Variants in KIFAP3 observed in about 807,000 individuals in gnomAD.
KIFAP3 encodes the protein kinesin-associated protein 3.
A neutral mutation model predicts 106.5 loss-of-function variants in KIFAP3; 68 were observed. The ratio of observed to expected loss-of-function variants is 0.64; its 90% CI spans 0.53 to 0.78. The LOEUF (loss-of-function observed/expected upper bound fraction) is 0.78. KIFAP3 is among the 30% of genes least tolerant of loss of function. The probability of loss-of-function intolerance (pLI) is 0.00; values close to 1 mark genes in which losing one functional copy is unlikely to be tolerated. For synonymous variants in KIFAP3, 320 were observed against 311.5 expected, an observed-to-expected ratio of 1.03 and a Z score of -0.29; for missense variants, 780 against 941.8, an observed-to-expected ratio of 0.83 and a Z score of 2.25.
chr1:170,001,675 A>G (rs1192914089), intron 10 of KIFAP3, among the ~76,000 whole-genome samples: 1 of 152,136 alleles, frequency 6.6e-6, no homozygotes, highest in Non-Finnish European at 1.5e-5. Context: ...AAATTCCATA[A>G]CAGTTCGGTA....
chr1:169,970,995 G>T (rs1389310194), intron 17 of KIFAP3, among the ~76,000 whole-genome samples: 2 of 151,994 alleles, frequency 1.3e-5, no homozygotes, highest in Non-Finnish European at 2.9e-5. Context: ...AGAGACTTAA[G>T]CTCAGAGTTT....
chr1:169,921,882 A>C (rs1662845893), intron 19 of KIFAP3, 101 bp from the exon 20 acceptor site: 1 of 836,732 alleles, frequency 1.2e-6, no homozygotes, highest in Non-Finnish European at 1.9e-6. Flanking sequence ...TTCTCTTCCT[A>C]GCAGGGATAG....
intron 10 of KIFAP3, among the ~76,000 whole-genome samples, chr1:169,995,179 T>C (rs1667308539): frequency 1.3e-5 from 2 of 152,150 alleles, no homozygotes; most frequent in Non-Finnish European, 2.9e-5. Context: ...TTTATACTTA[T>C]TCTAGTATAA....
At chr1:169,958,602 T>C (rs1665155472) in intron 18 of KIFAP3, among the ~76,000 whole-genome samples, 1 of 152,198 alleles carries the variant, frequency 6.6e-6, no homozygotes, top group South Asian at 2.1e-4. Context: ...GTATGAAAAC[T>C]ATGTTTTTTA....
At chr1:170,008,500 C>T (rs925367279) in intron 10 of KIFAP3, among the ~76,000 whole-genome samples, 5 of 151,640 alleles carry the variant, frequency 3.3e-5, no homozygotes, top group African/African-American at 1.2e-4. Context: ...ATTTATGCAG[C>T]CAACAAACAT....
At chr1:170,060,913 G>A (rs1221291148) in intron 1 of KIFAP3, among the ~76,000 whole-genome samples, 1 of 152,162 alleles carries the variant, frequency 6.6e-6, no homozygotes, top group African/African-American at 2.4e-5. Flanking sequence ...AATGGGGAAA[G>A]GATTCCCTAT....
chr1:169,992,317 T>C (rs1571620169), intron 10 of KIFAP3, 62 bp from the exon 11 acceptor site: 4 of 736,172 alleles, frequency 5.4e-6, no homozygotes, highest in Non-Finnish European at 8.3e-6. Context: ...AGCACACTCA[T>C]GTTAATGTAC....
At chr1:170,083,332 C>A (rs532518942) in intron 1 of KIFAP3, among the ~76,000 whole-genome samples, 1 of 152,300 alleles carries the variant, frequency 6.6e-6, no homozygotes, top group African/African-American at 2.4e-5. Context: ...CTATTTCGTT[C>A]TCATCTCCCA....
chr1:169,972,012 A>G (rs564529011), intron 17 of KIFAP3, among the ~76,000 whole-genome samples: 97 of 152,094 alleles, frequency 6.4e-4, no homozygotes, highest in African/African-American at 2.3e-3. Flanking sequence ...CCCTCTAGTC[A>G]TGTATCCTTT....
chr1:170,065,365 G>A (rs1320109973), intron 1 of KIFAP3, among the ~76,000 whole-genome samples: 1 of 151,996 alleles, frequency 6.6e-6, no homozygotes, highest in Non-Finnish European at 1.5e-5. Flanking sequence ...TGTAATCCCA[G>A]CATTTTGGGA....
At chr1:169,946,314 T>C (rs1664436871) in intron 19 of KIFAP3, among the ~76,000 whole-genome samples, 1 of 152,172 alleles carries the variant, frequency 6.6e-6, no homozygotes, top group Non-Finnish European at 1.5e-5. Context: ...AACCCTTAGC[T>C]GCTTGCTTCC....
At chr1:170,072,673 AAAC>A (rs1328506933) in intron 1 of KIFAP3, among the ~76,000 whole-genome samples, 1 of 152,228 alleles carries the variant, frequency 6.6e-6, no homozygotes, top group East Asian at 1.9e-4. Flanking sequence ...GTCTTGTTAA[AAAC>A]AAAATATAAA....
At chr1:170,031,618 T>C (rs138097601) in intron 8 of KIFAP3, among the ~76,000 whole-genome samples, 1 of 151,882 alleles carries the variant, frequency 6.6e-6, no homozygotes, top group African/African-American at 2.4e-5. Flanking sequence ...ATTGATATTA[T>C]TGAAAAGGTC....
intron 15 of KIFAP3, among the ~76,000 whole-genome samples, chr1:169,981,132 CAAA>C (rs1245622117): frequency 6.6e-6 from 1 of 152,006 alleles, no homozygotes; most frequent in East Asian, 1.9e-4. Context: ...AACAAACAAA[CAAA>C]AAGAAGTGAT....
intron 16 of KIFAP3, among the ~76,000 whole-genome samples, chr1:169,974,060 C>CA (rs1258993533): frequency 6.6e-6 from 1 of 151,394 alleles, no homozygotes; most frequent in Non-Finnish European, 1.5e-5. Context: ...ATTAGACTGT[C>CA]AAATAGAAAC....
chr1:170,048,604 G>T (rs1670396035), intron 2 of KIFAP3, among the ~76,000 whole-genome samples: 1 of 151,682 alleles, frequency 6.6e-6, no homozygotes, highest in Non-Finnish European at 1.5e-5. Context: ...CAACGCAAAA[G>T]GTGGGTGATT....
Position 169,921,732 on chromosome 1 carries a change from C to T in KIFAP3, c.2323G>A (p.Ala775Thr). The change falls in exon 20 of 20, where the codon GCC becomes ACC. Residue 775 changes from alanine to threonine, a missense_variant. Physicochemically the swap from Ala to Thr is moderately conservative, Grantham distance 58. Around this residue, in one of 3 missense-constraint regions of KIFAP3, gnomAD observed 114 missense variants for 122.3 expected, o/e 0.93. Coordinates refer to ENST00000361580, the MANE Select transcript of KIFAP3 (RefSeq NM_014970.4). ...GQPVGILGRP[A>T]TAYGFRPDEP... ...TCAGGGCGGAATCCATATGCTGTGG[C>T]AGGGCGTCCAAGAATGCCAACTGGT... 6.2e-7 allele frequency: 1 copy of T among 1,613,900 alleles called. No homozygotes were observed. The highest frequency in any genetic ancestry group is 8.5e-7 in the Non-Finnish European group (1 of 1,179,866).
intron 11 of KIFAP3, among the ~76,000 whole-genome samples, chr1:169,985,558 T>C (rs1435665494): frequency 6.6e-6 from 1 of 151,790 alleles, no homozygotes; most frequent in East Asian, 1.9e-4. Context: ...GGAAAGATAG[T>C]AATTTTGGTT....
intron 7 of KIFAP3, among the ~76,000 whole-genome samples, chr1:170,033,086 T>G (rs1010180887): frequency 6.6e-6 from 1 of 151,758 alleles, no homozygotes; most frequent in Non-Finnish European, 1.5e-5. Flanking sequence ...CCAGAACTGA[T>G]GTAAAGTCTC....
Sources: allele counts gnomAD v4.1 joint callset (sites outside exome capture counted in the v4.1 genomes callset), GRCh38; gene constraint gnomAD v4.1.1; regional missense constraint gnomAD v4.1.1; transcripts MANE v1.5; gene names NCBI Gene and HGNC (gene_info 2026-07-23, HGNC 2026-07-21).